Variants in SEMA4A observed in about 807,000 individuals in gnomAD.
SEMA4A encodes the protein semaphorin 4A.
In SEMA4A, 52 loss-of-function variants were observed where a neutral mutation model predicts 72.5. That is an observed-to-expected ratio of 0.72 (90% CI 0.57 to 0.90). The LOEUF (loss-of-function observed/expected upper bound fraction) is 0.90. Among genes scored for constraint, SEMA4A ranks in the 40% least tolerant of loss-of-function variants. SEMA4A has a pLI of 0.00. For missense variants in SEMA4A, 926 were observed against 959.7 expected (o/e 0.96, Z 0.46); for synonymous variants, 369 against 393.1 (o/e 0.94, Z 0.73).
At position 156,172,992 on chromosome 1, in the gene SEMA4A, T is replaced by C. The variant is rs146822426; in HGVS notation, c.1301T>C (p.Met434Thr). ...CTTGATGGGCACAGCCATCTTGTCATGTACCTGGGAACCAGTGAGTAAAGA... is the reference window on the plus strand; with the variant it reads ...CTTGATGGGCACAGCCATCTTGTCACGTACCTGGGAACCAGTGAGTAAAGA... ...QGLDGHSHLV[M>T]YLGTTTGSLH... The change falls in exon 11 of 15, where the codon ATG becomes ACG. Residue 434 changes from methionine (M) to threonine (T), a missense_variant. Met to Thr is a moderately conservative substitution (Grantham distance 81). Transcript: ENST00000368285. 6.7e-4 allele frequency: 1,080 copies of C among 1,613,918 alleles called. 3 individuals are homozygous for C. The highest frequency in any genetic ancestry group is 8.6e-4 in the Non-Finnish European group (1,016 of 1,179,904).
At chr1:156,160,793 C>A in intron 7 of SEMA4A, 112 bp from the exon 8 acceptor site, 1 of 1,511,562 alleles carries the variant, frequency 6.6e-7, no homozygotes, top group South Asian at 1.1e-5. Context: ...GCTGTGGGAC[C>A]CGAGGAAGCC....
At chr1:156,159,680 G>A (rs867804130) in intron 6 of SEMA4A, among the ~76,000 whole-genome samples, 1 of 152,058 alleles carries the variant, frequency 6.6e-6, no homozygotes, top group African/African-American at 2.4e-5. Context: ...AGGCTGAGGC[G>A]GGTGGATCAC....
Position 156,157,159 on chromosome 1 carries a change from T to C in SEMA4A, c.300+585T>C, listed in dbSNP as rs570791552. 7.9e-5 allele frequency among the ~76,000 whole-genome samples: 12 copies of C among 152,130 alleles called. No individual in the cohort carries two copies. In the South Asian group the frequency reaches 2.5e-3, roughly 31 times the overall value. ...CAAATTATATCAATAATTTGATATC[T>C]ACCCACTAGTAGAAATCACTGATGC... On this transcript the variant is annotated intron_variant, in intron 3 of 14. Coordinates refer to ENST00000368285, the MANE Select transcript of SEMA4A (RefSeq NM_022367.4). This position sits in a 1 kb window ranked among gnomAD's most constrained non-coding sequence, Gnocchi z 4.5.
At chr1:156,166,287 C>T (rs770990235) in intron 10 of SEMA4A, among the ~76,000 whole-genome samples, 1 of 152,084 alleles carries the variant, frequency 6.6e-6, no homozygotes, top group Non-Finnish European at 1.5e-5. Flanking sequence ...AAGCAATACA[C>T]CTGCTTTGGC....
intron 9 of SEMA4A, 26 bp downstream of exon 9, chr1:156,161,544 G>T (rs1436871495): frequency 1.2e-6 from 2 of 1,612,736 alleles, no homozygotes. Flanking sequence ...GGACCATGGG[G>T]GCTGGACACG....
Position 156,160,456 on chromosome 1 carries a change from T to A in SEMA4A, c.582T>A (p.Tyr194Ter). 6.2e-7 allele frequency: 1 copy of A among 1,613,758 alleles called. No homozygotes were observed. The highest frequency in any genetic ancestry group is 1.3e-5 in the African/African-American group (1 of 74,992). ...CCTCCACCCTAGATGGGATGCTCTATTCTGGTACTATGAACAACTTCCTGG... is the reference window on the plus strand; with the variant it reads ...CCTCCACCCTAGATGGGATGCTCTAATCTGGTACTATGAACAACTTCCTGG... ...HTAVLVDGML[Y>*]SGTMNNFLGS... Residue 194 changes from tyrosine to a stop codon, truncating the protein, a stop_gained, in exon 7 of 15, where the codon TAT (tyrosine) becomes TAA (stop). Transcript: ENST00000368285. LOFTEE classifies it high-confidence loss of function.
In SEMA4A at chr1:156,175,194, G is replaced by T. The variant is rs1655198521; in HGVS notation, c.1543G>T (p.Ala515Ser). The change falls in exon 13 of 15, where the codon GCC (alanine) becomes TCC (serine). Residue 515 changes from alanine (A) to serine (S), a missense_variant. Physicochemically the swap from Ala to Ser is moderately conservative, Grantham distance 99. Transcript: ENST00000368285. The stretch of plus-strand genomic sequence containing the variant: ...TGTCCTTGCCCGGGACCCCCACTGT[G>T]CCTGGGACCCTGAGTCCCGAACCTG... ...DCVLARDPHCAWDPESRTCCL... is the reference protein window; with the variant it reads ...DCVLARDPHCSWDPESRTCCL... 2 of 1,613,988 alleles carry T rather than the reference G, an allele frequency of 1.2e-6. No homozygotes were observed. The highest frequency in any genetic ancestry group is 1.1e-5 in the South Asian group (1 of 91,088).
At chr1:156,152,915 T>C (rs1652666475), upstream of SEMA4A, among the ~76,000 whole-genome samples, 1 of 152,146 alleles carries the variant, frequency 6.6e-6, no homozygotes, top group Admixed American at 6.5e-5. Flanking sequence ...ACAGAGTTCT[T>C]GGCGCTGGAT....
At chr1:156,152,702 T>A (rs1221432219), upstream of SEMA4A, among the ~76,000 whole-genome samples, 1 of 152,158 alleles carries the variant, frequency 6.6e-6, no homozygotes, top group Non-Finnish European at 1.5e-5. Context: ...GCCTGAGCTG[T>A]AACATCCCCC....
upstream of SEMA4A, among the ~76,000 whole-genome samples, chr1:156,148,328 G>C (rs1295348721): frequency 6.6e-6 from 1 of 152,194 alleles, no homozygotes; most frequent in East Asian, 1.9e-4. Flanking sequence ...TGAACAGGCA[G>C]GTCCTTTCTG....
In SEMA4A at chr1:156,176,540, T is replaced by G. The variant is rs1011579290; in HGVS notation, c.1829T>G (p.Leu610Arg). The G allele has an allele frequency of 6.2e-7, 1 of 1,614,168 alleles. No individual in the cohort carries two copies. Among genetic ancestry groups the G allele is most frequent in the African/African-American group, 1.3e-5 (1 of 75,014 alleles). Residue 610 changes from leucine (L) to arginine (R), a missense_variant, in exon 15 of 15, where the codon CTC (leucine) becomes CGC (arginine). Coordinates refer to ENST00000368285, the MANE Select transcript of SEMA4A (RefSeq NM_022367.4). Reference protein sequence around the residue: ...EASSTVYNGSLLLIVQDGVGG... With the variant: ...EASSTVYNGSRLLIVQDGVGG... ...TCTTCCACTGTCTACAATGGCTCCC[T>G]CTTGCTGATAGTGCAGGATGGAGTT...
intron 6 of SEMA4A, 69 bp downstream of exon 6, chr1:156,158,893 T>C: frequency 7.3e-7 from 1 of 1,360,708 alleles, no homozygotes; most frequent in Non-Finnish European, 1.1e-6. Flanking sequence ...ATATGGAATA[T>C]TACAGAGTTT....
chr1:156,166,736 C>G (rs926913435), intron 10 of SEMA4A, among the ~76,000 whole-genome samples: 3 of 152,094 alleles, frequency 2.0e-5, no homozygotes, highest in Non-Finnish European at 4.4e-5. Flanking sequence ...CCAGACCAGC[C>G]TGGCCAACAT....
chr1:156,152,047 ACT>A (rs951146117), upstream of SEMA4A, among the ~76,000 whole-genome samples: 5 of 151,622 alleles, frequency 3.3e-5, no homozygotes, highest in African/African-American at 1.2e-4. Flanking sequence ...AGGGACTAGG[ACT>A]CTGTAGAGTC....
chr1:156,173,214 G>A (rs368683266), intron 11 of SEMA4A, among the ~76,000 whole-genome samples: 1 of 152,226 alleles, frequency 6.6e-6, no homozygotes, highest in Non-Finnish European at 1.5e-5. Context: ...TTCCTATGGT[G>A]GGGGAGGCAG....
chr1:156,148,799 T>C (rs1255878071), upstream of SEMA4A, among the ~76,000 whole-genome samples: 3 of 148,028 alleles, frequency 2.0e-5, no homozygotes, highest in Admixed American at 2.0e-4. Flanking sequence ...TTTTTCTTTT[T>C]TCTTTTTTTT....
rs149711133 is a variant in SEMA4A, at chr1:156,154,662, G to T, written c.84G>T (p.Thr28=). 1.2e-5 allele frequency: 19 copies of T among 1,604,134 alleles called. No homozygotes were observed. Among genetic ancestry groups the T allele is most frequent in the Non-Finnish European group, 1.4e-5 (16 of 1,175,984 alleles). ...LFQLLQLLLP[T]TTAGGGGQGP... Reference sequence around the variant, plus strand: ...AACTGCTTCAGCTGCTGCTGCCGACGACGACCGCGGGGGGAGGCGGGCAGG... The same window carrying T: ...AACTGCTTCAGCTGCTGCTGCCGACTACGACCGCGGGGGGAGGCGGGCAGG... The change falls in exon 2 of 15, where the codon ACG becomes ACT. Residue 28 remains threonine, a synonymous_variant. Transcript: ENST00000368285.
chr1:156,155,221 A>G (rs1366641135), intron 2 of SEMA4A: 1 of 161,770 alleles, frequency 6.2e-6, no homozygotes, highest in Non-Finnish European at 1.4e-5. Context: ...CCCACACACA[A>G]GCACAGCTTG....
chr1:156,170,795 C>G (rs1369624758), intron 10 of SEMA4A, among the ~76,000 whole-genome samples: 1 of 151,698 alleles, frequency 6.6e-6, no homozygotes, highest in African/African-American at 2.4e-5. Flanking sequence ...GTGGCACACA[C>G]CTGTGGTTCC....
Sources: gnomAD v4.1 joint callset for allele counts (sites outside exome capture counted in the v4.1 genomes callset) on GRCh38, gnomAD v4.1.1 for gene constraint, Gnocchi (gnomAD v3.1) non-coding constraint, MANE v1.5 for transcripts, NCBI Gene and HGNC (gene_info 2026-07-23, HGNC 2026-07-21) for gene names.